PREX1: variants seen among roughly 807,000 people sequenced by gnomAD.
PREX1 encodes the protein phosphatidylinositol-3,4,5-trisphosphate dependent Rac exchange factor 1.
Under a neutral mutation model 198.3 loss-of-function variants are expected in PREX1, and 41 were observed. The observed-to-expected ratio is 0.21, with a 90% CI of 0.16 to 0.27. The LOEUF is 0.27. Ranked by LOEUF, PREX1 falls within the 10% of genes least tolerant of loss-of-function variation. The pLI is 1.00. For synonymous variants in PREX1, 843 were observed against 887.2 expected (o/e 0.95, Z 0.89); for missense variants, 1,620 against 2,200.7 (o/e 0.74, Z 5.28).
chr20:48,862,807 A>ATATATATATATATATATATATATATGTG, the PREX1 span, among the ~76,000 whole-genome samples: 1 of 126,708 alleles, frequency 7.9e-6, no homozygotes, highest in African/African-American at 3.2e-5. Flanking sequence ...ATATATATAT[A>ATATATATATATATATATATATATATGTG]TATATACTAA....
At chr20:48,847,626 G>T in the PREX1 span, among the ~76,000 whole-genome samples, 2 of 152,066 alleles carry the variant, frequency 1.3e-5, no homozygotes, top group Non-Finnish European at 2.9e-5. Flanking sequence ...TCCAGGCTTT[G>T]GTGGTGTTTT....
At chr20:48,811,344 C>T (rs1041125438) in intron 1 of PREX1, among the ~76,000 whole-genome samples, 2 of 152,104 alleles carry the variant, frequency 1.3e-5, no homozygotes, top group African/African-American at 4.8e-5. Flanking sequence ...CAATCCCGTG[C>T]AGGCTGACAA....
intron 18 of PREX1, 60 bp from the exon 19 acceptor site, chr20:48,655,435 T>A (rs2089535633): frequency 4.4e-6 from 6 of 1,350,496 alleles, no homozygotes; most frequent in Non-Finnish European, 6.0e-6. Context: ...TCACTCTCAA[T>A]AACCCCGGTG....
chr20:48,746,878 A>C (rs1328466313), intron 2 of PREX1, among the ~76,000 whole-genome samples: 1 of 152,028 alleles, frequency 6.6e-6, no homozygotes, highest in Non-Finnish European at 1.5e-5. Flanking sequence ...GTGCTCAGCC[A>C]TATTTGCTGA....
intron 19 of PREX1, among the ~76,000 whole-genome samples, chr20:48,654,711 C>G (rs1490147332): frequency 6.6e-6 from 1 of 152,196 alleles, no homozygotes; most frequent in African/African-American, 2.4e-5. Context: ...TATGACCACA[C>G]AAGTGAAAAA....
intron 1 of PREX1, among the ~76,000 whole-genome samples, chr20:48,826,663 T>C (rs1174581623): frequency 1.3e-5 from 2 of 152,184 alleles, no homozygotes; most frequent in Non-Finnish European, 2.9e-5. Context: ...AAGACCAGCA[T>C]GGCCAACATG....
intron 15 of PREX1, among the ~76,000 whole-genome samples, chr20:48,665,317 G>GCTCCAGACGGCCTGAATTCTAATCCCGA (rs1568812823): frequency 4.3e-5 from 6 of 140,422 alleles, no homozygotes; most frequent in African/African-American, 1.4e-4. Context: ...TCTAATCCTG[G>GCTCCAGACGGCCTGAATTCTAATCCCGA]TTCCAGACGG....
intron 7 of PREX1, among the ~76,000 whole-genome samples, chr20:48,698,825 C>T (rs1241104146): frequency 6.6e-6 from 1 of 152,216 alleles, no homozygotes; most frequent in Non-Finnish European, 1.5e-5. Context: ...GCTGTGCACT[C>T]ACTATGTCCC....
At chr20:48,856,125 G>A in the PREX1 span, among the ~76,000 whole-genome samples, 1 of 152,202 alleles carries the variant, frequency 6.6e-6, no homozygotes, top group East Asian at 1.9e-4. Flanking sequence ...GGAGTGGCAG[G>A]TGCAATGGCC....
At chr20:48,659,701 G>T (rs1312396793) in intron 16 of PREX1, among the ~76,000 whole-genome samples, 3 of 152,204 alleles carry the variant, frequency 2.0e-5, no homozygotes, top group Non-Finnish European at 4.4e-5. Context: ...GGAACAGAAA[G>T]GGAGACCTGC....
intron 1 of PREX1, among the ~76,000 whole-genome samples, chr20:48,775,693 T>C (rs1440231069): frequency 6.6e-6 from 1 of 152,092 alleles, no homozygotes; most frequent in Non-Finnish European, 1.5e-5. Context: ...AGTGAATAAG[T>C]CTCAAGAGAT....
intron 6 of PREX1, among the ~76,000 whole-genome samples, chr20:48,703,024 TC>T (rs2089883435): frequency 6.6e-6 from 1 of 152,106 alleles, no homozygotes; most frequent in South Asian, 2.1e-4. Flanking sequence ...AAAATCTCCT[TC>T]CCCAAACAGT....
chr20:48,824,542 CAAT>C (rs1277368743), intron 1 of PREX1, among the ~76,000 whole-genome samples: 2 of 152,202 alleles, frequency 1.3e-5, no homozygotes, highest in African/African-American at 2.4e-5. Flanking sequence ...CCTACAACAA[CAAT>C]AATAACCAAT....
chr20:48,681,465 G>T (rs755665323), intron 10 of PREX1, 130 bp from the exon 11 acceptor site: 4 of 847,808 alleles, frequency 4.7e-6, no homozygotes, highest in Admixed American at 1.8e-5. Flanking sequence ...GAAGCCGAGT[G>T]TAGTAGTCTA....
At chr20:48,812,464 G>A (rs1324339296) in intron 1 of PREX1, among the ~76,000 whole-genome samples, 1 of 151,676 alleles carries the variant, frequency 6.6e-6, no homozygotes, top group African/African-American at 2.4e-5. Context: ...AAAAATATAA[G>A]AGGAATGGGT....
intron 15 of PREX1, among the ~76,000 whole-genome samples, chr20:48,663,012 C>T (rs1338286542): frequency 6.6e-6 from 1 of 152,206 alleles, no homozygotes; most frequent in African/African-American, 2.4e-5. Flanking sequence ...GCAAACAGAG[C>T]AGCTTCTGGG....
chr20:48,886,621 G>C, the PREX1 span, among the ~76,000 whole-genome samples: 4 of 152,196 alleles, frequency 2.6e-5, no homozygotes, highest in African/African-American at 7.2e-5. Flanking sequence ...AGTTCCCAAA[G>C]GGACAAAGGC....
At position 48,745,022 on chromosome 20, in the gene PREX1, C is replaced by A. The variant is rs1410738274; in HGVS notation, c.414+3G>T. On this transcript the variant is annotated splice_donor_region_variant and intron_variant, in intron 3 of 39. Transcript: ENST00000371941. ...CCACCAGGGGCAGTGGCATGGTACTCACGAATTTTAAGAAAACATTCCCAA... is the reference window on the plus strand; with the variant it reads ...CCACCAGGGGCAGTGGCATGGTACTAACGAATTTTAAGAAAACATTCCCAA... 1.2e-6 allele frequency: 2 copies of A among 1,613,864 alleles called. No individual in the cohort carries two copies. The highest frequency in any genetic ancestry group is 1.7e-6 in the Non-Finnish European group (2 of 1,179,758).
intron 1 of PREX1, among the ~76,000 whole-genome samples, chr20:48,768,322 A>G (rs2090218430): frequency 6.6e-6 from 1 of 152,242 alleles, no homozygotes; most frequent in Non-Finnish European, 1.5e-5. Flanking sequence ...TTCTCACACA[A>G]CAGAAAATGA....
Sources: allele counts gnomAD v4.1 joint callset (sites outside exome capture counted in the v4.1 genomes callset), GRCh38; gene constraint gnomAD v4.1.1; transcripts MANE v1.5; gene names NCBI Gene and HGNC (gene_info 2026-07-23, HGNC 2026-07-21).